The following ZP2 variants were observed in gnomAD, a reference collection of about 807,000 sequenced individuals.
ZP2 encodes the protein zona pellucida glycoprotein 2.
A neutral mutation model predicts 84.0 loss-of-function variants in ZP2; 51 were observed. That is an observed-to-expected ratio of 0.61 (90% confidence interval 0.49 to 0.77). ZP2 has a LOEUF of 0.77. Ranked by LOEUF, ZP2 falls within the 30% of genes least tolerant of loss-of-function variation. The pLI is 0.00. For synonymous variants in ZP2, 375 were observed against 330.9 expected, an observed-to-expected ratio of 1.13 and a Z score of -1.45; for missense variants, 909 against 911.9, an observed-to-expected ratio of 1.00 and a Z score of 0.04.
chr16:21,198,256 A>C (rs1197409314), intron 17 of ZP2, among the ~76,000 whole-genome samples: 3 of 152,098 alleles, frequency 2.0e-5, no homozygotes, highest in Non-Finnish European at 4.4e-5. Flanking sequence ...TTAGCTGGGC[A>C]CAGTGGCAGG....
upstream of ZP2, chr16:21,211,872 G>A: frequency 1.0e-6 from 1 of 978,988 alleles, no homozygotes; most frequent in South Asian, 2.1e-5. Context: ...GCAATGTAGA[G>A]CCAAAGAGAA....
chr16:21,206,277 A>C (rs1417219750), intron 5 of ZP2, among the ~76,000 whole-genome samples: 4 of 152,216 alleles, frequency 2.6e-5, no homozygotes, highest in Non-Finnish European at 5.9e-5. Context: ...GATTACAGGC[A>C]TGAGCCACCA....
At chr16:21,202,546 G>A (rs1165430784) in intron 10 of ZP2, among the ~76,000 whole-genome samples, 1 of 152,160 alleles carries the variant, frequency 6.6e-6, no homozygotes, top group African/African-American at 2.4e-5. Flanking sequence ...GTGCTATATG[G>A]TATAAGACCA....
upstream of ZP2, among the ~76,000 whole-genome samples, chr16:21,214,018 C>T (rs776930597): frequency 4.1e-4 from 63 of 151,996 alleles, no homozygotes; most frequent in South Asian, 4.4e-3. Context: ...CTTCCCACCG[C>T]GCTACTCACT....
rs775383101 is a variant in ZP2 at position 21,204,094 on chromosome 16, C to T, written c.908G>A (p.Gly303Glu). 6.2e-7 allele frequency: 1 copy of T among 1,614,130 alleles called. No homozygotes were observed. The highest frequency in any genetic ancestry group is 1.1e-5 in the South Asian group (1 of 91,082). ...NIDVSQLHDN[G>E]IDLEATNGMK... ...GCCATTTGTTGCTTCTAGATCAATT[C>T]CATTGTCATGCAGCTGGCTCACATC... Residue 303 changes from glycine (G) to glutamate (E), a missense_variant, in exon 9 of 19, where the codon GGA becomes GAA. By Grantham distance (98) the Gly-to-Glu change is moderately conservative (BLOSUM62 -2). Transcript: ENST00000574091.
At chr16:21,209,361 G>A (rs1397436072) in intron 4 of ZP2, among the ~76,000 whole-genome samples, 2 of 152,114 alleles carry the variant, frequency 1.3e-5, no homozygotes, top group Non-Finnish European at 2.9e-5. Context: ...TAGGGATGGG[G>A]TTTCACCATG....
Position 21,204,189 on chromosome 16 carries a change from T to G in ZP2, c.813A>C (p.Thr271=). 1 of 1,614,166 alleles carries G rather than the reference T, an allele frequency of 6.2e-7. No individual in the cohort carries two copies. Among genetic ancestry groups the G allele is most frequent in the Non-Finnish European group, 8.5e-7 (1 of 1,180,024 alleles). Residue 271 remains threonine (T), a synonymous_variant, in exon 9 of 19, where the codon ACA becomes ACC. Coordinates refer to ENST00000574091, the MANE Select transcript of ZP2 (RefSeq NM_001376232.1). The part of the protein sequence containing the change: ...CAPDPVTCNA[T]HMTLTIPEFP... ...ACTCTGGTATGGTGAGAGTCATGTG[T>G]GTGGCATTGCAGGTCACAGGATCTA...
In ZP2 at chr16:21,204,886, C is replaced by A. The variant is rs1465000556; in HGVS notation, c.694-482G>T. ...ATAAAACAATATAGGACAATGACAA[C>A]CCAAACAGAACCCCTTAACCCATAA... On this transcript the variant is annotated intron_variant, in intron 7 of 18. Coordinates refer to ENST00000574091, the MANE Select transcript of ZP2 (RefSeq NM_001376232.1). 3.3e-5 allele frequency among the ~76,000 whole-genome samples: 5 copies of A among 152,308 alleles called. No individual in the cohort carries two copies. In the East Asian group the frequency reaches 9.6e-4, roughly 29 times the overall value.
chr16:21,198,741 C>A, intron 17 of ZP2, 38 bp downstream of exon 17: 1 of 1,592,354 alleles, frequency 6.3e-7, no homozygotes, highest in South Asian at 1.1e-5. Flanking sequence ...AAGCTAAGAA[C>A]TTGAATCCAG....
rs768610724 is a variant in ZP2, at chr16:21,205,566, C to T, written c.547G>A (p.Gly183Arg). 2.5e-6 allele frequency: 4 copies of T among 1,613,984 alleles called. No individual in the cohort carries two copies. The African/African-American group carries it at 5.3e-5, about 22-fold the overall frequency. Residue 183 changes from glycine (G) to arginine (R), a missense_variant, in exon 7 of 19, where the codon GGA becomes AGA. Gly to Arg is a moderately radical substitution (Grantham distance 125). Transcript: ENST00000574091. ...DDSKGTKVQM[G>R]WSIEVGDGAR... is the part of the protein sequence containing the mutation. ...CCATCACCAACCTCAATGCTCCATC[C>T]CATCTGAACTTTGGTCCCCTGAAGT...
intron 14 of ZP2, among the ~76,000 whole-genome samples, 194 bp downstream of exon 14, chr16:21,201,175 G>C (rs1178609953): frequency 1.3e-5 from 2 of 151,552 alleles, no homozygotes; most frequent in Non-Finnish European, 2.9e-5. Context: ...CCCCAACCTG[G>C]GTGACAGAAT....
upstream of ZP2, among the ~76,000 whole-genome samples, chr16:21,212,884 G>GT (rs2093280166): frequency 6.6e-6 from 1 of 152,138 alleles, no homozygotes; most frequent in Non-Finnish European, 1.5e-5. Context: ...TGATGGTTGT[G>GT]TTTTTTCAAC....
rs1418507500 is a variant in ZP2, at chr16:21,206,854, TG to T, written c.466del (p.Gln156ArgfsTer42). On this transcript the variant is annotated frameshift_variant, in exon 5 of 19. Coordinates refer to ENST00000574091, the MANE Select transcript of ZP2 (RefSeq NM_001376232.1). LOFTEE classifies it high-confidence loss of function. ...TTCACTCACAGACATGAAATCCTTC[TG>T]GCAGATTGTAGATGCTGAAAGCCCC... ...TQGLSASTIC[Q>X]KDFMSFSLPR... 1 of 1,614,164 alleles carries T rather than the reference TG, an allele frequency of 6.2e-7. No homozygotes were observed. The highest frequency in any genetic ancestry group is 8.5e-7 in the Non-Finnish European group (1 of 1,179,996).
intron 4 of ZP2, among the ~76,000 whole-genome samples, chr16:21,209,183 C>T (rs962506273): frequency 6.6e-6 from 1 of 152,136 alleles, no homozygotes; most frequent in Non-Finnish European, 1.5e-5. Context: ...CCCCACCCTC[C>T]TCCAGACAGT....
intron 4 of ZP2, among the ~76,000 whole-genome samples, chr16:21,209,090 A>T (rs1286380253): frequency 2.0e-5 from 3 of 152,180 alleles, no homozygotes. Context: ...TATCCATTAG[A>T]TGCCAGTAGT....
chr16:21,210,951 T>A (rs1279850786), intron 2 of ZP2, among the ~76,000 whole-genome samples: 2 of 151,714 alleles, frequency 1.3e-5, no homozygotes, highest in Admixed American at 1.3e-4. Context: ...CAGGTGAACG[T>A]CAAGTGAGCA....
rs746879266 is a variant in ZP2, at chr16:21,199,848, G to A, written c.1725C>T (p.Thr575=). 1.6e-5 allele frequency: 26 copies of A among 1,612,910 alleles called. No individual in the cohort carries two copies. Among genetic ancestry groups the A allele is most frequent in the Non-Finnish European group, 2.1e-5 (25 of 1,180,010 alleles). ...CAGAGGAGCCGACTGGATGGAAGGT[G>A]GTCTGGTAGTTGTCCAGGTCATATG... The part of the protein sequence containing the change: ...GCAYDLDNYQ[T]TFHPVGSSVT... Residue 575 remains threonine, a synonymous_variant, in exon 15 of 19, where the codon ACC becomes ACT. Transcript: ENST00000574091.
chr16:21,202,330 T>C, intron 10 of ZP2, 39 bp from the exon 11 acceptor site: 1 of 1,472,830 alleles, frequency 6.8e-7, no homozygotes, highest in Non-Finnish European at 9.0e-7. Flanking sequence ...TAAGTTTGTC[T>C]GCCCTGTGAT....
chr16:21,212,157 A>G (rs1293405334), upstream of ZP2, among the ~76,000 whole-genome samples: 6 of 152,030 alleles, frequency 3.9e-5, no homozygotes, highest in Admixed American at 3.9e-4. Flanking sequence ...CGAACTCCTG[A>G]CCTAGGTGAT....
Sources: gnomAD v4.1 joint callset for allele counts (sites outside exome capture counted in the v4.1 genomes callset) on GRCh38, gnomAD v4.1.1 for gene constraint, MANE v1.5 for transcripts, NCBI Gene and HGNC (gene_info 2026-07-23, HGNC 2026-07-21) for gene names.